Variants in TENT5B observed in about 807,000 individuals in gnomAD.
The protein encoded by TENT5B is family with sequence similarity 46 member B.
In TENT5B, 12 loss-of-function variants were observed where a neutral mutation model predicts 21.7. The ratio of observed to expected loss-of-function variants is 0.55; its 90% confidence interval spans 0.36 to 0.90. The LOEUF (loss-of-function observed/expected upper bound fraction) is 0.90, where lower values mean the gene tolerates loss of function less well. Among genes scored for constraint, TENT5B ranks in the 40% least tolerant of loss-of-function variants. The pLI, the probability that TENT5B is intolerant of heterozygous loss-of-function variation, is 0.01. For synonymous variants in TENT5B, 262 were observed against 266.6 expected (o/e 0.98, Z 0.17); for missense variants, 540 against 601.5 (o/e 0.90, Z 1.07).
rs1376163109 is a variant in TENT5B, at chr1:27,006,010, A to G, written c.1212T>C (p.Asn404=). 1.2e-6 allele frequency: 2 copies of G among 1,608,032 alleles called. No homozygotes were observed. Among genetic ancestry groups the G allele is most frequent in the Admixed American group, 1.7e-5 (1 of 59,592 alleles). The change falls in exon 2 of 2, where the codon AAT becomes AAC. Residue 404 remains asparagine (N), a synonymous_variant. Coordinates refer to ENST00000289166, the MANE Select transcript of TENT5B (RefSeq NM_052943.4). The surrounding 1 kb of genome is among the most constrained non-coding windows in gnomAD (Gnocchi z 9.4). ...GTDGVVPATV[N]YYVTPVQPLL... ...GAGGTTGCACGGGGGTCACGTAGTAATTGACAGTGGCTGGCACAACCCCGT... is the reference window on the plus strand; with the variant it reads ...GAGGTTGCACGGGGGTCACGTAGTAGTTGACAGTGGCTGGCACAACCCCGT...
rs1368790337 is a variant in TENT5B at position 27,006,696 on chromosome 1, T to G, written c.526A>C (p.Lys176Gln). Residue 176 changes from lysine (K) to glutamine (Q), a missense_variant, in exon 2 of 2, where the codon AAG (lysine) becomes CAG (glutamine). Physicochemically the swap from Lys to Gln is moderately conservative, Grantham distance 53. Transcript: ENST00000289166. This position sits in a 1 kb window ranked among gnomAD's most constrained non-coding sequence, Gnocchi z 9.4. ...PLTLKEAYVQKLVKVCTDSDR... is the reference protein window; with the variant it reads ...PLTLKEAYVQQLVKVCTDSDR... ...GAGTCTGTGCACACTTTCACCAGCT[T>G]CTGCACGTATGCCTCCTTGAGTGTC... The G allele has an allele frequency of 3.7e-6, 6 of 1,614,044 alleles. No homozygotes were observed. The highest frequency in any genetic ancestry group is 5.1e-6 in the Non-Finnish European group (6 of 1,180,040).
chr1:27,005,958 G>T lies in TENT5B; in HGVS notation c.1264C>A (p.Leu422Met). 6.4e-7 allele frequency: 1 copy of T among 1,564,434 alleles called. No homozygotes were observed. The highest frequency in any genetic ancestry group is 1.7e-4 in the Middle Eastern group (1 of 5,826). The change falls in exon 2 of 2, where the codon CTG (leucine) becomes ATG (methionine). Residue 422 changes from leucine to methionine, a missense_variant. By Grantham distance (15) the Leu-to-Met change is conservative (BLOSUM62 2). Transcript: ENST00000289166. Reference protein sequence around the residue: ...PLLAHAYPTWLPCN With the variant: ...PLLAHAYPTWMPCN ...CAGGGTCTGAGTCAGTTACAAGGCA[G>T]CCAGGTGGGATAGGCGTGAGCCAGG...
Position 27,008,977 on chromosome 1 carries a change from CTTTTTTTTTTT to C in TENT5B, c.265-2031_265-2021del, listed in dbSNP as rs58360969. ...CTCTACCTTCCTTTCCTCCATCCTT[CTTTTTTTTTTT>C]TTTTTTTTTTTTTTTTTTTTGAGAG... On this transcript the variant is annotated intron_variant, in intron 1 of 1. Coordinates refer to ENST00000289166, the MANE Select transcript of TENT5B (RefSeq NM_052943.4). 8.1e-3 allele frequency among the ~76,000 whole-genome samples: 251 copies of C among 31,000 alleles called. 1 individual carries two copies. Among genetic ancestry groups the C allele is most frequent in the African/African-American group, 0.032 (237 of 7,350 alleles). The allele number at this position is 31,000 out of a possible 152,430, so 20.3% of individuals were successfully genotyped here.
At chr1:27,008,446 G>A (rs1197192119) in intron 1 of TENT5B, among the ~76,000 whole-genome samples, 1 of 152,172 alleles carries the variant, frequency 6.6e-6, no homozygotes, top group Non-Finnish European at 1.5e-5. Flanking sequence ...TTTACCAGGG[G>A]AAGATATTGT....
Position 27,006,019 on chromosome 1 carries a change from G to A in TENT5B, c.1203C>T (p.Ala401=). Residue 401 remains alanine (A), a synonymous_variant, in exon 2 of 2, where the codon GCC becomes GCT. Coordinates refer to ENST00000289166, the MANE Select transcript of TENT5B (RefSeq NM_052943.4). This position sits in a 1 kb window ranked among gnomAD's most constrained non-coding sequence, Gnocchi z 9.4. ...CGGGGGTCACGTAGTAATTGACAGT[G>A]GCTGGCACAACCCCGTCAGTGCCTG... ...RPPGTDGVVP[A]TVNYYVTPVQ... 1 of 1,609,532 alleles carries A rather than the reference G, an allele frequency of 6.2e-7. No homozygotes were observed. The highest frequency in any genetic ancestry group is 1.1e-5 in the South Asian group (1 of 90,612).
rs541228025 is a variant in TENT5B at position 27,011,938 on chromosome 1, A to G, written c.264+469T>C. Among the ~76,000 whole-genome samples the G allele has an allele frequency of 2.0e-5, 3 of 152,310 alleles. No individual in the cohort carries two copies. In the South Asian group the frequency reaches 6.2e-4, roughly 32 times the overall value. ...AGGGGGAAGGGGGGGTTTCTCCAGC[A>G]AAAGGCTGTAGGAGCACAATGGCAG... On this transcript the variant is annotated intron_variant, in intron 1 of 1. Transcript: ENST00000289166.
Position 27,006,665 on chromosome 1 carries a change from C to T in TENT5B, c.557G>A (p.Arg186His), listed in dbSNP as rs370934035. The T allele has an allele frequency of 5.7e-5, 92 of 1,614,152 alleles. No individual in the cohort carries two copies. The South Asian group carries it at 7.4e-4, about 13-fold the overall frequency. ...KLVKVCTDSD[R>H]WSLISLSNKS... ...GTTGGACAGTGAGATGAGGCTCCAG[C>T]GGTCCGAGTCTGTGCACACTTTCAC... Residue 186 changes from arginine to histidine, a missense_variant, in exon 2 of 2, where the codon CGC (arginine) becomes CAC (histidine). Coordinates refer to ENST00000289166, the MANE Select transcript of TENT5B (RefSeq NM_052943.4). The surrounding 1 kb of genome is among the most constrained non-coding windows in gnomAD (Gnocchi z 9.4).
At chr1:27,008,974 C>CTTTTT (rs1557703526) in intron 1 of TENT5B, among the ~76,000 whole-genome samples, 8 of 106,366 alleles carry the variant, frequency 7.5e-5, no homozygotes, top group African/African-American at 3.2e-4. Flanking sequence ...TTCCTCCATC[C>CTTTTT]TTCTTTTTTT....
intron 1 of TENT5B, among the ~76,000 whole-genome samples, chr1:27,010,325 G>C (rs987042424): frequency 1.3e-5 from 2 of 152,066 alleles, no homozygotes; most frequent in African/African-American, 2.4e-5. Context: ...AGCCTTGCAG[G>C]GGGGTAGAGG....
chr1:27,009,394 G>A (rs1047532786), intron 1 of TENT5B, among the ~76,000 whole-genome samples: 19 of 152,194 alleles, frequency 1.2e-4, no homozygotes, highest in Admixed American at 5.2e-4. Context: ...CCACATTACA[G>A]TCCCAGGGTT....
intron 1 of TENT5B, among the ~76,000 whole-genome samples, chr1:27,007,800 GACC>G (rs2082607896): frequency 6.6e-6 from 1 of 152,130 alleles, no homozygotes; most frequent in African/African-American, 2.4e-5. Flanking sequence ...TCACATTCAT[GACC>G]ACATTAACCC....
intron 1 of TENT5B, among the ~76,000 whole-genome samples, chr1:27,011,174 G>A (rs1225647293): frequency 1.3e-5 from 2 of 152,128 alleles, no homozygotes; most frequent in African/African-American, 4.8e-5. Flanking sequence ...AACTCCACTG[G>A]GCCGCGTGTG....
chr1:27,008,068 G>A (rs900342201), intron 1 of TENT5B, among the ~76,000 whole-genome samples: 1 of 152,192 alleles, frequency 6.6e-6, no homozygotes, highest in African/African-American at 2.4e-5. Flanking sequence ...TGGTGAAACA[G>A]CTAAGGCTCA....
rs541445926 is a variant in TENT5B at position 27,007,169 on chromosome 1, C to G, written c.265-212G>C. Reference sequence around the variant, plus strand: ...CTCTTTAAACCTAATCTGAGAATGGCCCATCTGGAGGAATGACTCAGGAAG... The same window carrying G: ...CTCTTTAAACCTAATCTGAGAATGGGCCATCTGGAGGAATGACTCAGGAAG... On this transcript the variant is annotated intron_variant, in intron 1 of 1. Transcript: ENST00000289166. Among the ~76,000 whole-genome samples the G allele has an allele frequency of 7.2e-5, 11 of 151,918 alleles. No homozygotes were observed. The South Asian group carries it at 2.3e-3, about 32-fold the overall frequency.
At position 27,012,578 on chromosome 1, in the gene TENT5B, C is replaced by T. The variant is rs767733030; in HGVS notation, c.93G>A (p.Pro31=). The T allele has an allele frequency of 6.5e-7, 1 of 1,541,592 alleles. No individual in the cohort carries two copies. Among genetic ancestry groups the T allele is most frequent in the Non-Finnish European group, 8.7e-7 (1 of 1,149,700 alleles). ...AAATAVATAA[P]AGGGPDPEAL... ...CCTCCGGGTCGGGGCCGCCGCCTGC[C>T]GGGGCTGCCGTGGCCACCGCCGTGG... The change falls in exon 1 of 2, where the codon CCG becomes CCA. Residue 31 remains proline (P), a synonymous_variant. Transcript: ENST00000289166.
chr1:27,009,910 C>T (rs2082616439), intron 1 of TENT5B, among the ~76,000 whole-genome samples: 4 of 152,370 alleles, frequency 2.6e-5, no homozygotes, highest in Admixed American at 2.0e-4. Flanking sequence ...CACCCAAGTA[C>T]TGCAGGGCAG....
rs906546634 is a variant in TENT5B at position 27,005,740 on chromosome 1, C to T, written c.*204G>A. On this transcript the variant is annotated 3_prime_UTR_variant, in exon 2 of 2. Transcript: ENST00000289166. ...AAGTGTGATGCAATAACCAAAGGGT[C>T]CTCCTGCTGAGAGCCCCAGGCTGGC... is the stretch of plus-strand genomic sequence containing the variant. 8.5e-6 allele frequency: 5 copies of T among 588,212 alleles called. No individual in the cohort carries two copies. Among genetic ancestry groups the T allele is most frequent in the Non-Finnish European group, 1.4e-5 (5 of 363,686 alleles). 36.4% of individuals were successfully genotyped at this position (588,212 alleles called of 1,614,324 possible). A position where few individuals can be genotyped will look rare whatever the true frequency, so the allele number is the denominator to read the frequency against.
rs758688794 is a variant in TENT5B, at chr1:27,006,269, TCCA to T, written c.950_952del (p.Val317del). ...GTAGCGCTCTAGGGTGCGCCGCTGC[TCCA>T]CCAGGTCTGGAAAGTCGATGAAGAA... On this transcript the variant is annotated inframe_deletion, in exon 2 of 2. Coordinates refer to ENST00000289166, the MANE Select transcript of TENT5B (RefSeq NM_052943.4). The surrounding 1 kb of genome is among the most constrained non-coding windows in gnomAD (Gnocchi z 9.4). 1 of 1,612,654 alleles carries T rather than the reference TCCA, an allele frequency of 6.2e-7. No individual in the cohort carries two copies. Among genetic ancestry groups the T allele is most frequent in the South Asian group, 1.1e-5 (1 of 91,066 alleles).
Position 27,006,088 on chromosome 1 carries a change from AGCCAGTGCCTGCAGC to A in TENT5B, c.1119_1133del (p.Leu374_Ala378del). The A allele has an allele frequency of 6.2e-7, 1 of 1,610,470 alleles. No individual in the cohort carries two copies. The highest frequency in any genetic ancestry group is 8.5e-7 in the Non-Finnish European group (1 of 1,178,130). ...CGGCAGTGGCAGCTGGGCCCTGCTCAGCCAGTGCCTGCAGCGCCAGTGCGGCAATGAGGTCCAGCG... is the reference window on the plus strand; with the variant it reads ...CGGCAGTGGCAGCTGGGCCCTGCTCAGCCAGTGCGGCAATGAGGTCCAGCG... On this transcript the variant is annotated inframe_deletion, in exon 2 of 2. Coordinates refer to ENST00000289166, the MANE Select transcript of TENT5B (RefSeq NM_052943.4). The surrounding 1 kb of genome is among the most constrained non-coding windows in gnomAD (Gnocchi z 9.4).
Sources: gnomAD v4.1 joint callset for allele counts (sites outside exome capture counted in the v4.1 genomes callset) on GRCh38, gnomAD v4.1.1 for gene constraint, Gnocchi (gnomAD v3.1) non-coding constraint, MANE v1.5 for transcripts, NCBI Gene and HGNC (gene_info 2026-07-23, HGNC 2026-07-21) for gene names.